Variants in CMTM8 observed in about 807,000 individuals in gnomAD.
CMTM8 encodes CKLF like MARVEL transmembrane domain containing 8, also known as CKLF-like MARVEL transmembrane domain-containing protein 8.
CMTM8 carries 12 observed loss-of-function variants against 18.6 expected under a neutral mutation model. The observed-to-expected ratio is 0.65, with a 90% CI of 0.41 to 1.05. CMTM8 has a LOEUF of 1.05. CMTM8 is among the 50% of genes least tolerant of loss of function. CMTM8 has a pLI of 0.00. For synonymous variants in CMTM8, 87 were observed against 90.6 expected (o/e 0.96, Z 0.23); for missense variants, 217 against 227.2 (o/e 0.95, Z 0.29).
intron 1 of CMTM8, among the ~76,000 whole-genome samples, chr3:32,315,466 C>T (rs1159641088): frequency 6.6e-6 from 1 of 152,132 alleles, no homozygotes; most frequent in Non-Finnish European, 1.5e-5. Context: ...GGAAGAGATG[C>T]GGACACTGAA....
chr3:32,350,360 T>C (rs1386341556), intron 1 of CMTM8, among the ~76,000 whole-genome samples: 1 of 99,662 alleles, frequency 1.0e-5, no homozygotes, highest in Admixed American at 1.2e-4. Flanking sequence ...TGTTCTAAGC[T>C]TTTTTTTTTT....
chr3:32,302,624 T>A (rs1210563025), intron 1 of CMTM8, among the ~76,000 whole-genome samples: 7 of 152,176 alleles, frequency 4.6e-5, no homozygotes, highest in Admixed American at 4.6e-4. Flanking sequence ...GAAGTGGACT[T>A]GTGAGTGCTA....
At chr3:32,350,359 CTTTTT>C (rs527757254) in intron 1 of CMTM8, among the ~76,000 whole-genome samples, 1 of 136,182 alleles carries the variant, frequency 7.3e-6, no homozygotes. Context: ...GTGTTCTAAG[CTTTTT>C]TTTTTTTTTT....
chr3:32,259,539 C>A, intron 1 of CMTM8: 1 of 798,974 alleles, frequency 1.3e-6, no homozygotes. Context: ...CAGCTGGAGA[C>A]AGAGATCGAG....
intron 1 of CMTM8, among the ~76,000 whole-genome samples, chr3:32,319,534 T>C (rs1450728140): frequency 2.6e-5 from 4 of 152,166 alleles, no homozygotes; most frequent in African/African-American, 9.7e-5. Flanking sequence ...GTGCATACTT[T>C]TAAAGTTTTC....
intron 1 of CMTM8, among the ~76,000 whole-genome samples, chr3:32,263,556 A>G (rs1300209841): frequency 6.6e-6 from 1 of 152,188 alleles, no homozygotes; most frequent in African/African-American, 2.4e-5. Flanking sequence ...TCCTCCTCCA[A>G]AGGAACGCAG....
chr3:32,265,068 T>G (rs1302380721), intron 1 of CMTM8, among the ~76,000 whole-genome samples: 1 of 152,046 alleles, frequency 6.6e-6, no homozygotes, highest in Non-Finnish European at 1.5e-5. Flanking sequence ...AACAAGGATA[T>G]CCAGGAATTG....
chr3:32,354,645 C>T (rs1696778065), intron 1 of CMTM8, among the ~76,000 whole-genome samples: 3 of 152,202 alleles, frequency 2.0e-5, no homozygotes, highest in East Asian at 1.9e-4. Flanking sequence ...TGTGATCACA[C>T]AGAGAGACAC....
intron 2 of CMTM8, among the ~76,000 whole-genome samples, chr3:32,363,666 C>T (rs3844585): frequency 0.66 from 100,663 of 152,148 alleles, 33,693 homozygotes; most frequent in Middle Eastern, 0.77. Flanking sequence ...TCTCCTGTAT[C>T]CTGCAGCCCT....
intron 1 of CMTM8, among the ~76,000 whole-genome samples, chr3:32,282,845 G>C (rs2125550916): frequency 6.6e-6 from 1 of 152,298 alleles, no homozygotes; most frequent in South Asian, 2.1e-4. Context: ...GCATGCTCCA[G>C]CTCTAGGTGT....
At chr3:32,298,742 C>T (rs1695537885) in intron 1 of CMTM8, among the ~76,000 whole-genome samples, 1 of 150,484 alleles carries the variant, frequency 6.6e-6, no homozygotes, top group South Asian at 2.1e-4. Context: ...CAGCAATCCT[C>T]CCACCTCAGC....
chr3:32,365,463 T>A (rs981925064), intron 2 of CMTM8, among the ~76,000 whole-genome samples: 1 of 152,200 alleles, frequency 6.6e-6, no homozygotes, highest in Admixed American at 6.5e-5. Flanking sequence ...TTTTTGTTTT[T>A]GAGATGGAGT....
chr3:32,329,604 T>C (rs1182890410), intron 1 of CMTM8, among the ~76,000 whole-genome samples: 2 of 152,162 alleles, frequency 1.3e-5, no homozygotes, highest in Non-Finnish European at 2.9e-5. Flanking sequence ...ACACTTGGAA[T>C]AGAAGGAAAT....
chr3:32,361,074 C>T (rs562199730), intron 2 of CMTM8, among the ~76,000 whole-genome samples: 16 of 152,292 alleles, frequency 1.1e-4, no homozygotes, highest in South Asian at 2.1e-4. Flanking sequence ...TTCCACCTCC[C>T]GGGTTCAAGC....
At chr3:32,344,228 C>T (rs538887034) in intron 1 of CMTM8, among the ~76,000 whole-genome samples, 6 of 152,130 alleles carry the variant, frequency 3.9e-5, no homozygotes, top group Non-Finnish European at 8.8e-5. Context: ...GAGATCTCAC[C>T]AGAACAATGC....
chr3:32,271,507 G>A (rs1317104771), intron 1 of CMTM8, among the ~76,000 whole-genome samples: 3 of 152,202 alleles, frequency 2.0e-5, no homozygotes, highest in African/African-American at 7.2e-5. Flanking sequence ...AATCACATGG[G>A]ATTTCCTTCT....
chr3:32,286,791 A>C (rs1375741034), intron 1 of CMTM8, among the ~76,000 whole-genome samples: 1 of 152,236 alleles, frequency 6.6e-6, no homozygotes, highest in African/African-American at 2.4e-5. Flanking sequence ...AAAAAAACTC[A>C]TGTTTTAAGA....
intron 1 of CMTM8, among the ~76,000 whole-genome samples, chr3:32,353,739 C>T (rs914062935): frequency 2.0e-5 from 3 of 150,082 alleles, no homozygotes; most frequent in East Asian, 3.9e-4. Flanking sequence ...TTATAACTGG[C>T]GGATAGGGAA....
At chr3:32,282,529 A>G (rs1702623261) in intron 1 of CMTM8, among the ~76,000 whole-genome samples, 1 of 152,196 alleles carries the variant, frequency 6.6e-6, no homozygotes, top group South Asian at 2.1e-4. Flanking sequence ...TACCACCTGC[A>G]GTATTATCAC....
Sources: allele counts gnomAD v4.1 joint callset (sites outside exome capture counted in the v4.1 genomes callset), GRCh38; gene constraint gnomAD v4.1.1; transcripts MANE v1.5; gene names NCBI Gene and HGNC (gene_info 2026-07-23, HGNC 2026-07-21).